The following MTOR variants were observed in gnomAD, a reference collection of about 807,000 sequenced individuals.
MTOR encodes serine/threonine-protein kinase mTOR.
A neutral mutation model predicts 319.8 loss-of-function variants in MTOR; 70 were observed. The ratio of observed to expected loss-of-function variants is 0.22; its 90% CI spans 0.18 to 0.27. The LOEUF is 0.27. Ranked by LOEUF, MTOR falls within the 10% of genes least tolerant of loss-of-function variation. The probability of loss-of-function intolerance (pLI) is 1.00; values close to 1 mark genes in which losing one functional copy is unlikely to be tolerated. For synonymous variants in MTOR, 1,183 were observed against 1,211.4 expected (o/e 0.98, Z 0.49); for missense variants, 1,890 against 3,274.4 (o/e 0.58, Z 10.32).
chr1:11,135,970 A>G (rs1386678379), intron 36 of MTOR, among the ~76,000 whole-genome samples: 2 of 152,088 alleles, frequency 1.3e-5, no homozygotes, highest in East Asian at 3.9e-4. Flanking sequence ...CCCCGTCTCT[A>G]CTAAAAATAC....
At chr1:11,112,737 G>C (rs2100303747) in intron 54 of MTOR, 115 bp downstream of exon 54, 2 of 1,087,328 alleles carry the variant, frequency 1.8e-6, no homozygotes, top group Admixed American at 3.9e-5. Flanking sequence ...TCTGCACAAG[G>C]GGGAGAGCCT....
In MTOR at chr1:11,200,082, C is replaced by A. The variant is rs114628784; in HGVS notation, c.3945-379G>T. ...TTTTCTCCAAAGGAATATTTCTTGG[C>A]AGTTTTTGCATTATTTCTCTTCACT... On this transcript the variant is annotated intron_variant, in intron 26 of 57. Transcript: ENST00000361445. 5.1e-3 allele frequency among the ~76,000 whole-genome samples: 770 copies of A among 152,240 alleles called. 7 individuals are homozygous for A. The highest frequency in any genetic ancestry group is 8.5e-3 in the Non-Finnish European group (577 of 68,026).
rs1641602180 is a variant in MTOR at position 11,106,857 on chromosome 1, C to G, written c.*628G>C. Reference sequence around the variant, plus strand: ...CGAGGCTGCCAGCGATCTGAATAAACCTCCCTACTAGCGGTCAGGTCTTGA... The same window carrying G: ...CGAGGCTGCCAGCGATCTGAATAAAGCTCCCTACTAGCGGTCAGGTCTTGA... On this transcript the variant is annotated 3_prime_UTR_variant, in exon 58 of 58. Transcript: ENST00000361445. 1 of 1,330,700 alleles carries G rather than the reference C, an allele frequency of 7.5e-7. No individual in the cohort carries two copies. Among genetic ancestry groups the G allele is most frequent in the Non-Finnish European group, 9.8e-7 (1 of 1,019,416 alleles). The allele number at this position is 1,330,700 out of a possible 1,614,324, so 82.4% of individuals were successfully genotyped here.
chr1:11,231,526 T>G lies in MTOR; in HGVS notation c.2515-92A>C, dbSNP rs868756301. On this transcript the variant is annotated intron_variant, in intron 16 of 57. Coordinates refer to ENST00000361445, the MANE Select transcript of MTOR (RefSeq NM_004958.4). Reference sequence around the variant, plus strand: ...TTGTATAATGATTATAATGAAGTGTTAGAGGCTGTAAGAAGAAAAGAGGTT... The same window carrying G: ...TTGTATAATGATTATAATGAAGTGTGAGAGGCTGTAAGAAGAAAAGAGGTT... 5.0e-5 allele frequency: 73 copies of G among 1,472,644 alleles called. No homozygotes were observed. In the Middle Eastern group the frequency reaches 2.3e-3, roughly 47 times the overall value. The allele number at this position is 1,472,644 out of a possible 1,614,324, so 91.2% of individuals were successfully genotyped here.
intron 13 of MTOR, among the ~76,000 whole-genome samples, chr1:11,236,540 G>A (rs536121351): frequency 2.2e-5 from 3 of 136,578 alleles, no homozygotes; most frequent in South Asian, 4.7e-4. Flanking sequence ...ACAGAGTCTC[G>A]CTCTGTCGCC....
At chr1:11,117,307 C>G (rs530121874) in intron 49 of MTOR, among the ~76,000 whole-genome samples, 2 of 152,208 alleles carry the variant, frequency 1.3e-5, no homozygotes, top group African/African-American at 2.4e-5. Flanking sequence ...ATTACAGGCA[C>G]CCGCCACCAT....
chr1:11,116,896 A>G (rs1642195755), intron 50 of MTOR, 108 bp downstream of exon 50: 2 of 820,632 alleles, frequency 2.4e-6, no homozygotes, highest in Non-Finnish European at 4.0e-6. Context: ...TACAATACCA[A>G]TATTTATTTA....
chr1:11,194,904 T>C, intron 28 of MTOR: 1 of 1,614,216 alleles, frequency 6.2e-7, no homozygotes, highest in Non-Finnish European at 8.5e-7. Flanking sequence ...TGGAGTGTAC[T>C]ACCGCCTGGG....
At position 11,213,202 on chromosome 1, in the gene MTOR, C is replaced by T. The variant is rs575619999; in HGVS notation, c.3285+197G>A. ...CAAGATTAATCCATTGAAACAGATA[C>T]AAAACATAAGGATAATCAAGAGAGG... On this transcript the variant is annotated intron_variant, in intron 21 of 57. Coordinates refer to ENST00000361445, the MANE Select transcript of MTOR (RefSeq NM_004958.4). Among the ~76,000 whole-genome samples, 4 of 152,236 alleles carry T rather than the reference C, an allele frequency of 2.6e-5. No individual in the cohort carries two copies. The South Asian group carries it at 6.2e-4, about 24-fold the overall frequency.
intron 28 of MTOR, chr1:11,195,272 GTC>G: frequency 2.4e-6 from 1 of 415,452 alleles, no homozygotes; most frequent in Non-Finnish European, 4.3e-6. Context: ...ACTGAGTGGG[GTC>G]TCTCTGCCCA....
At chr1:11,241,715 T>C (rs777483153) in intron 9 of MTOR, 34 bp from the exon 10 acceptor site, 1 of 1,588,910 alleles carries the variant, frequency 6.3e-7, no homozygotes. Context: ...AGTTGAGACA[T>C]AATGACATTC....
intron 30 of MTOR, among the ~76,000 whole-genome samples, chr1:11,150,492 C>T (rs1193342672): frequency 6.6e-6 from 1 of 152,146 alleles, no homozygotes; most frequent in Non-Finnish European, 1.5e-5. Flanking sequence ...CATCTGGCTC[C>T]CTTCATAAAT....
chr1:11,204,715 C>T lies in MTOR; in HGVS notation c.3802-12G>A. 1 of 1,612,192 alleles carries T rather than the reference C, an allele frequency of 6.2e-7. No homozygotes were observed. Among genetic ancestry groups the T allele is most frequent in the Non-Finnish European group, 8.5e-7 (1 of 1,178,806 alleles). On this transcript the variant is annotated splice_polypyrimidine_tract_variant and intron_variant, in intron 25 of 57. Transcript: ENST00000361445. ...GCAGCGCCCCAGGCCTGTGATCCCA[C>T]AGGTGACAATGGAAAACAATCAGTT... is the stretch of plus-strand genomic sequence containing the variant.
intron 28 of MTOR, among the ~76,000 whole-genome samples, chr1:11,182,793 C>T (rs1373999022): frequency 1.3e-5 from 2 of 152,194 alleles, no homozygotes; most frequent in Non-Finnish European, 1.5e-5. Flanking sequence ...TGCTGCACGT[C>T]GCAACAGCTT....
At chr1:11,173,514 C>T (rs1006192984) in intron 28 of MTOR, among the ~76,000 whole-genome samples, 42 of 152,146 alleles carry the variant, frequency 2.8e-4, no homozygotes. Flanking sequence ...AACTCCTGAG[C>T]TCAAGTGATC....
At chr1:11,255,564 T>C (rs534283078) in intron 5 of MTOR, among the ~76,000 whole-genome samples, 62 of 152,038 alleles carry the variant, frequency 4.1e-4, no homozygotes, top group African/African-American at 1.4e-3. Context: ...AAAAAATTCA[T>C]TGGAGGCCAG....
intron 25 of MTOR, 82 bp downstream of exon 25, chr1:11,209,230 C>A (rs756599189): frequency 5.0e-5 from 78 of 1,546,304 alleles, no homozygotes; most frequent in Middle Eastern, 1.7e-4. Flanking sequence ...TTTTCGGTTG[C>A]CCAGTTTAAA....
intron 1 of MTOR, among the ~76,000 whole-genome samples, chr1:11,260,038 G>A (rs991698848): frequency 3.9e-5 from 6 of 152,154 alleles, no homozygotes; most frequent in East Asian, 1.9e-4. Context: ...GACTTAATAC[G>A]TGTCAAAAAG....
Position 11,157,258 on chromosome 1 carries a change from C to T in MTOR, c.4363G>A (p.Glu1455Lys), listed in dbSNP as rs1644348015. The T allele has an allele frequency of 6.2e-7, 1 of 1,614,156 alleles. No homozygotes were observed. The highest frequency in any genetic ancestry group is 8.5e-7 in the Non-Finnish European group (1 of 1,180,008). The change falls in exon 30 of 58, where the codon GAG becomes AAG. Residue 1455 changes from glutamate (E) to lysine (K), a missense_variant. By Grantham distance (56) the Glu-to-Lys change is moderately conservative. Transcript: ENST00000361445. ...TAGGCCACAAGGGCATCCTCCCACT[C>T]GTGCAGTTTCTCATACCAGGTAGCC... ...IQATWYEKLH[E>K]WEDALVAYDK...
Sources: allele counts gnomAD v4.1 joint callset (sites outside exome capture counted in the v4.1 genomes callset), GRCh38; gene constraint gnomAD v4.1.1; transcripts MANE v1.5; gene names NCBI Gene and HGNC (gene_info 2026-07-23, HGNC 2026-07-21).